The following OGDH variants were observed in gnomAD, a reference collection of about 807,000 sequenced individuals.
OGDH encodes the protein 2-oxoglutarate dehydrogenase complex component E1.
A neutral mutation model predicts 116.6 loss-of-function variants in OGDH; 38 were observed. The ratio of observed to expected loss-of-function variants is 0.33; its 90% CI spans 0.25 to 0.43. The LOEUF (loss-of-function observed/expected upper bound fraction) is 0.43, where lower values mean the gene tolerates loss of function less well. OGDH is among the 20% of genes least tolerant of loss of function. The probability of loss-of-function intolerance (pLI) is 1.00; values close to 1 mark genes in which losing one functional copy is unlikely to be tolerated. For synonymous variants in OGDH, 488 were observed against 533.3 expected (o/e 0.92, Z 1.17); for missense variants, 825 against 1,357.2 (o/e 0.61, Z 6.16).
chr7:44,659,066 G>A (rs1414314887), intron 4 of OGDH, among the ~76,000 whole-genome samples: 9 of 152,028 alleles, frequency 5.9e-5, no homozygotes, highest in Non-Finnish European at 1.0e-4. Context: ...TAGAACTCCC[G>A]ACCTCAGGTG....
intron 4 of OGDH, among the ~76,000 whole-genome samples, chr7:44,665,755 G>A (rs1015520741): frequency 1.3e-5 from 2 of 152,148 alleles, no homozygotes; most frequent in African/African-American, 4.8e-5. Flanking sequence ...GTATTCAAGC[G>A]CTAGTGATTC....
Position 44,697,382 on chromosome 7 carries a change from T to C in OGDH, c.2064T>C (p.His688=). ...VERGTFSHRH[H]VLHDQNVDKR... Reference sequence around the variant, plus strand: ...TGTCCTGTCTCAGCCACCGCCACCATGTGCTCCATGACCAGAATGTGGACA... The same window carrying C: ...TGTCCTGTCTCAGCCACCGCCACCACGTGCTCCATGACCAGAATGTGGACA... The change falls in exon 16 of 23, where the codon CAT becomes CAC. Residue 688 remains histidine, a synonymous_variant. Coordinates refer to ENST00000222673, the MANE Select transcript of OGDH (RefSeq NM_002541.4). This position sits in a 1 kb window ranked among gnomAD's most constrained non-coding sequence, Gnocchi z 6.0. 1 of 1,614,160 alleles carries C rather than the reference T, an allele frequency of 6.2e-7. No homozygotes were observed. Among genetic ancestry groups the C allele is most frequent in the South Asian group, 1.1e-5 (1 of 91,092 alleles).
chr7:44,616,473 A>G (rs1433589061), intron 1 of OGDH, among the ~76,000 whole-genome samples: 6 of 151,946 alleles, frequency 3.9e-5, no homozygotes, highest in African/African-American at 7.3e-5. Flanking sequence ...TTCTGTGCTA[A>G]ATGATGGAGA....
chr7:44,624,081 A>G (rs1407889206), intron 1 of OGDH, among the ~76,000 whole-genome samples: 1 of 152,094 alleles, frequency 6.6e-6, no homozygotes, highest in Admixed American at 6.6e-5. Flanking sequence ...TTGTGCTCTC[A>G]GGCACATGAA....
rs577463900 is a variant in OGDH at position 44,674,471 on chromosome 7, C to T, written c.849C>T (p.Cys283=). The change falls in exon 7 of 23, where the codon TGC becomes TGT. Residue 283 remains cysteine, a synonymous_variant. Transcript: ENST00000222673. ...SSEKRFGLEG[C]EVLIPALKTI... The stretch of plus-strand genomic sequence containing the variant: ...AGAAGCGCTTTGGTCTAGAAGGCTG[C>T]GAGGTACTGATCCCTGCCCTCAAGA... 4.7e-5 allele frequency: 76 copies of T among 1,614,110 alleles called. No individual in the cohort carries two copies. Among genetic ancestry groups the T allele is most frequent in the East Asian group, 2.5e-4 (11 of 44,882 alleles).
At chr7:44,619,737 T>G (rs1475401825) in intron 1 of OGDH, among the ~76,000 whole-genome samples, 2 of 152,188 alleles carry the variant, frequency 1.3e-5, no homozygotes, top group South Asian at 2.1e-4. Context: ...GTGTACAAGT[T>G]TTTTTTGTGG....
chr7:44,640,519 T>C (rs1229003216), intron 2 of OGDH, among the ~76,000 whole-genome samples: 1 of 152,128 alleles, frequency 6.6e-6, no homozygotes, highest in East Asian at 1.9e-4. Context: ...AACTTGTGAT[T>C]TTGCTATGAC....
chr7:44,661,458 T>C (rs906548049), intron 4 of OGDH, among the ~76,000 whole-genome samples: 13 of 152,160 alleles, frequency 8.5e-5, no homozygotes, highest in African/African-American at 2.9e-4. Context: ...TTTAATGTAA[T>C]TATTGGTATG....
At chr7:44,701,450 C>A in intron 19 of OGDH, 93 bp from the exon 20 acceptor site, 1 of 1,080,818 alleles carries the variant, frequency 9.3e-7, no homozygotes, top group Non-Finnish European at 1.4e-6. Flanking sequence ...GTTTCATGGC[C>A]TGAAGGTCAA....
At chr7:44,615,707 C>A (rs191806703) in intron 1 of OGDH, among the ~76,000 whole-genome samples, 7 of 152,244 alleles carry the variant, frequency 4.6e-5, no homozygotes, top group Admixed American at 4.6e-4. Context: ...TTCTCGAGTA[C>A]CCAGGTCTGA....
At chr7:44,686,046 C>CTTTTTTTTTTTTTTTTT (rs947000633) in intron 10 of OGDH, among the ~76,000 whole-genome samples, 3 of 144,828 alleles carry the variant, frequency 2.1e-5, no homozygotes, top group African/African-American at 7.5e-5. Context: ...TTCTTTCTTT[C>CTTTTTTTTTTTTTTTTT]TTTTTTTTTT....
intron 1 of OGDH, among the ~76,000 whole-genome samples, chr7:44,616,997 C>T (rs569465048): frequency 1.5e-3 from 218 of 142,216 alleles, no homozygotes; most frequent in Admixed American, 2.5e-3. Context: ...TGCAGTGGCG[C>T]GATCTCGGCT....
chr7:44,694,282 T>C lies in OGDH; in HGVS notation c.1516-142T>C. ...AAGGAGAGATACACAGAATCCTAAT[T>C]CTAGAGAAGGTAAACTCCAGGGCAG... On this transcript the variant is annotated intron_variant, in intron 11 of 22. Coordinates refer to ENST00000222673, the MANE Select transcript of OGDH (RefSeq NM_002541.4). The surrounding 1 kb of genome is among the most constrained non-coding windows in gnomAD (Gnocchi z 4.2). 9.4e-7 allele frequency: 1 copy of C among 1,067,062 alleles called. No individual in the cohort carries two copies. Among genetic ancestry groups the C allele is most frequent in the East Asian group, 2.6e-5 (1 of 38,428 alleles). The allele number at this position is 1,067,062 out of a possible 1,614,324, so 66.1% of individuals were successfully genotyped here.
chr7:44,675,289 C>G, intron 8 of OGDH, 21 bp downstream of exon 8: 1 of 1,598,000 alleles, frequency 6.3e-7, no homozygotes, highest in Non-Finnish European at 8.6e-7. Flanking sequence ...TGCATAGAGA[C>G]ACATCCAGCA....
intron 4 of OGDH, among the ~76,000 whole-genome samples, chr7:44,652,606 G>T (rs954957106): frequency 2.0e-5 from 3 of 151,834 alleles, no homozygotes; most frequent in African/African-American, 4.8e-5. Flanking sequence ...TTATTATGTT[G>T]CCCAGGCTCG....
intron 18 of OGDH, among the ~76,000 whole-genome samples, chr7:44,698,708 G>T (rs1490079290): frequency 6.6e-6 from 1 of 152,070 alleles, no homozygotes; most frequent in African/African-American, 2.4e-5. Flanking sequence ...GGGCGTGATG[G>T]TGCACGCCTG....
rs1414843703 is a variant in OGDH, at chr7:44,674,489, C to T, written c.867C>T (p.Ala289=). The change falls in exon 7 of 23, where the codon GCC becomes GCT. Residue 289 remains alanine (A), a synonymous_variant. Coordinates refer to ENST00000222673, the MANE Select transcript of OGDH (RefSeq NM_002541.4). ...GLEGCEVLIP[A]LKTIIDKSSE... ...AAGGCTGCGAGGTACTGATCCCTGC[C>T]CTCAAGACCATCATTGACAAGTCTA... The T allele has an allele frequency of 6.2e-7, 1 of 1,614,158 alleles. No individual in the cohort carries two copies. The highest frequency in any genetic ancestry group is 1.7e-5 in the Admixed American group (1 of 60,008).
chr7:44,697,924 G>T lies in OGDH; in HGVS notation c.2358+142G>T. On this transcript the variant is annotated intron_variant, in intron 17 of 22. Transcript: ENST00000222673. This position sits in a 1 kb window ranked among gnomAD's most constrained non-coding sequence, Gnocchi z 6.0. ...CTGGTGCTTCCCATCCATCTCAGAT[G>T]GGATGTCACTTCAGAAAGCCAGAGT... 1.8e-6 allele frequency: 2 copies of T among 1,089,624 alleles called. No individual in the cohort carries two copies. The highest frequency in any genetic ancestry group is 2.6e-6 in the Non-Finnish European group (2 of 778,138). 67.5% of individuals were successfully genotyped at this position (1,089,624 alleles called of 1,614,324 possible). A position where few individuals can be genotyped will look rare whatever the true frequency, so the allele number is the denominator to read the frequency against.
chr7:44,624,898 A>T (rs900847658), intron 2 of OGDH, among the ~76,000 whole-genome samples: 3 of 152,218 alleles, frequency 2.0e-5, no homozygotes, highest in African/African-American at 7.2e-5. Context: ...GCAGGACCTC[A>T]GGAAGCTCCT....
Sources: allele counts gnomAD v4.1 joint callset (sites outside exome capture counted in the v4.1 genomes callset), GRCh38; gene constraint gnomAD v4.1.1; non-coding constraint Gnocchi (gnomAD v3.1); transcripts MANE v1.5; gene names NCBI Gene and HGNC (gene_info 2026-07-23, HGNC 2026-07-21).